The following ITFG1 variants were observed in gnomAD, a reference collection of about 807,000 sequenced individuals.
The protein encoded by ITFG1 is T-cell immunomodulatory protein.
Under a neutral mutation model 81.8 loss-of-function variants are expected in ITFG1, and 34 were observed. The ratio of observed to expected loss-of-function variants is 0.42; its 90% CI spans 0.32 to 0.55. The LOEUF (loss-of-function observed/expected upper bound fraction) is 0.55. ITFG1 is among the 20% of genes least tolerant of loss of function. The pLI, the probability that ITFG1 is intolerant of heterozygous loss-of-function variation, is 0.17. For synonymous variants in ITFG1, 285 were observed against 270.6 expected, an observed-to-expected ratio of 1.05 and a Z score of -0.52; for missense variants, 672 against 755.4, an observed-to-expected ratio of 0.89 and a Z score of 1.29.
chr16:47,438,698 C>G (rs1969203648), intron 5 of ITFG1, among the ~76,000 whole-genome samples: 1 of 152,166 alleles, frequency 6.6e-6, no homozygotes, highest in Admixed American at 6.5e-5. Flanking sequence ...TCACCATCAT[C>G]AAAGACCAAA....
chr16:47,210,433 A>T (rs1965549149), intron 14 of ITFG1, among the ~76,000 whole-genome samples: 1 of 152,134 alleles, frequency 6.6e-6, no homozygotes, highest in Non-Finnish European at 1.5e-5. Context: ...CCTTTGTCAG[A>T]TATGTGATTT....
chr16:47,239,791 T>C (rs1485265275), intron 12 of ITFG1, among the ~76,000 whole-genome samples: 1 of 152,176 alleles, frequency 6.6e-6, no homozygotes, highest in Admixed American at 6.5e-5. Flanking sequence ...CCCTAAAGTT[T>C]AGGTAGATAT....
intron 10 of ITFG1, among the ~76,000 whole-genome samples, chr16:47,295,284 A>G (rs1966965968): frequency 6.6e-6 from 1 of 152,084 alleles, no homozygotes; most frequent in African/African-American, 2.4e-5. Flanking sequence ...TTTGTTGTGT[A>G]CTTGTCTAAC....
chr16:47,341,454 A>T (rs1311926559), intron 8 of ITFG1, among the ~76,000 whole-genome samples: 1 of 150,982 alleles, frequency 6.6e-6, no homozygotes, highest in Non-Finnish European at 1.5e-5. Context: ...AAATGAAAAT[A>T]AAAATATAAC....
At position 47,364,341 on chromosome 16, in the gene ITFG1, T is replaced by TA. The variant is rs1404797684; in HGVS notation, c.802+1446dup. On this transcript the variant is annotated intron_variant, in intron 8 of 17. Coordinates refer to ENST00000320640, the MANE Select transcript of ITFG1 (RefSeq NM_030790.5). ...CAAACGTTTATGTTTAGCAAAATTG[T>TA]AAAAAATCCTCAAAGTAAAGCTACT... 2.6e-5 allele frequency among the ~76,000 whole-genome samples: 4 copies of TA among 152,170 alleles called. No homozygotes were observed. In the East Asian group the frequency reaches 5.8e-4, roughly 22 times the overall value.
At chr16:47,181,233 G>A (rs914177577) in intron 14 of ITFG1, among the ~76,000 whole-genome samples, 25 of 145,248 alleles carry the variant, frequency 1.7e-4, no homozygotes, top group African/African-American at 4.6e-4. Flanking sequence ...CAGCCGCCCC[G>A]TCTGAGAAGT....
chr16:47,161,880 C>T, intron 15 of ITFG1, 48 bp from the exon 16 acceptor site: 7 of 1,065,022 alleles, frequency 6.6e-6, no homozygotes, highest in Non-Finnish European at 1.0e-5. Flanking sequence ...ATTTAAAAAA[C>T]ACAATTATTA....
intron 5 of ITFG1, among the ~76,000 whole-genome samples, chr16:47,430,057 CTTTT>C (rs920966590): frequency 2.5e-5 from 3 of 122,014 alleles, no homozygotes; most frequent in Non-Finnish European, 3.6e-5. Context: ...TTTTACTTTT[CTTTT>C]TTTTTTTTTT....
chr16:47,328,918 C>T (rs1967600063), intron 8 of ITFG1, among the ~76,000 whole-genome samples: 1 of 152,124 alleles, frequency 6.6e-6, no homozygotes. Flanking sequence ...CATTTATTCA[C>T]ACCCATGATA....
intron 8 of ITFG1, 183 bp downstream of exon 8, chr16:47,365,605 T>C (rs1968166506): frequency 2.1e-6 from 1 of 471,048 alleles, no homozygotes; most frequent in Non-Finnish European, 3.8e-6. Flanking sequence ...TTTCTCCTTA[T>C]TTCATTAAGG....
At chr16:47,365,340 A>G (rs894495006) in intron 8 of ITFG1, among the ~76,000 whole-genome samples, 2 of 152,218 alleles carry the variant, frequency 1.3e-5, no homozygotes, top group South Asian at 4.1e-4. Context: ...ACAGAAATTC[A>G]TATGTCCTCT....
At chr16:47,327,533 C>T (rs1265440610) in intron 8 of ITFG1, among the ~76,000 whole-genome samples, 6 of 152,224 alleles carry the variant, frequency 3.9e-5, no homozygotes, top group African/African-American at 9.6e-5. Context: ...TCAGAGTGAA[C>T]AGGCAACCTA....
At chr16:47,394,254 A>G (rs1968567474) in intron 6 of ITFG1, among the ~76,000 whole-genome samples, 1 of 152,198 alleles carries the variant, frequency 6.6e-6, no homozygotes, top group Non-Finnish European at 1.5e-5. Flanking sequence ...CTTTTAAGAA[A>G]AAGTGTGTGT....
chr16:47,434,383 G>A (rs1219627511), intron 5 of ITFG1, among the ~76,000 whole-genome samples: 1 of 151,078 alleles, frequency 6.6e-6, no homozygotes, highest in Non-Finnish European at 1.5e-5. Flanking sequence ...TTCAAAAGTG[G>A]GCAAAGAATG....
intron 5 of ITFG1, among the ~76,000 whole-genome samples, chr16:47,432,749 G>A (rs1969110448): frequency 6.6e-6 from 1 of 152,154 alleles, no homozygotes; most frequent in Non-Finnish European, 1.5e-5. Flanking sequence ...TACAAGGTTA[G>A]AAATCTTTAA....
intron 14 of ITFG1, among the ~76,000 whole-genome samples, chr16:47,197,316 T>G (rs550531019): frequency 8.5e-5 from 13 of 152,326 alleles, no homozygotes; most frequent in African/African-American, 3.1e-4. Context: ...AACCTTGGCC[T>G]CCACAATCCC....
chr16:47,428,284 G>A lies in ITFG1; in HGVS notation c.655+520C>T, dbSNP rs554714676. 9.9e-5 allele frequency among the ~76,000 whole-genome samples: 15 copies of A among 152,278 alleles called. No homozygotes were observed. The South Asian group carries it at 2.9e-3, about 29-fold the overall frequency. On this transcript the variant is annotated intron_variant, in intron 6 of 17. Transcript: ENST00000320640. ...TTTACTTTAAAATTATCTTTGATAG[G>A]AGGAACTTGTAGGTGCATTTACAGG...
chr16:47,162,705 G>T, intron 14 of ITFG1, 41 bp from the exon 15 acceptor site: 1 of 1,534,448 alleles, frequency 6.5e-7, no homozygotes, highest in Non-Finnish European at 8.8e-7. Context: ...AACATCTCTG[G>T]AAACATTGCT....
chr16:47,315,122 C>T (rs1368672040), intron 8 of ITFG1, among the ~76,000 whole-genome samples: 2 of 151,606 alleles, frequency 1.3e-5, no homozygotes, highest in East Asian at 1.9e-4. Context: ...TATGATAAAC[C>T]CTGCCTTAGA....
Sources: gnomAD v4.1 joint callset for allele counts (sites outside exome capture counted in the v4.1 genomes callset) on GRCh38, gnomAD v4.1.1 for gene constraint, MANE v1.5 for transcripts, NCBI Gene and HGNC (gene_info 2026-07-23, HGNC 2026-07-21) for gene names.